MAPK10: variants seen among roughly 807,000 people sequenced by gnomAD.
The protein encoded by MAPK10 is mitogen-activated protein kinase 10.
In MAPK10, 25 loss-of-function variants were observed where a neutral mutation model predicts 59.3. The observed-to-expected ratio is 0.42, with a 90% CI of 0.31 to 0.59. MAPK10 has a LOEUF of 0.59. Ranked by LOEUF, MAPK10 falls within the 20% of genes least tolerant of loss-of-function variation. The pLI is 0.15. For synonymous variants in MAPK10, 190 were observed against 200.5 expected, an observed-to-expected ratio of 0.95 and a Z score of 0.44; for missense variants, 351 against 568.9, an observed-to-expected ratio of 0.62 and a Z score of 3.90.
At chr4:86,285,879 A>T (rs2094987008) in intron 2 of MAPK10, among the ~76,000 whole-genome samples, 1 of 152,194 alleles carries the variant, frequency 6.6e-6, no homozygotes, top group Non-Finnish European at 1.5e-5. Context: ...CAGGAGCTCC[A>T]ATGTCTGAGG....
At chr4:86,296,175 C>CAA (rs34854999) in intron 2 of MAPK10, among the ~76,000 whole-genome samples, 38,870 of 115,812 alleles carry the variant, frequency 0.34, 5,399 homozygotes, top group South Asian at 0.45. Context: ...GACTTGGTCT[C>CAA]AAAAAAAAAA....
intron 2 of MAPK10, among the ~76,000 whole-genome samples, chr4:86,352,665 T>A (rs1342906802): frequency 1.3e-5 from 2 of 152,324 alleles, no homozygotes; most frequent in African/African-American, 2.4e-5. Context: ...GTCTATTACA[T>A]CATGTTTGAT....
chr4:86,174,466 A>C (rs2075199074), intron 3 of MAPK10, among the ~76,000 whole-genome samples: 1 of 151,962 alleles, frequency 6.6e-6, no homozygotes. Flanking sequence ...GGGACCTGTC[A>C]GGGGGGTGGT....
chr4:86,531,369 A>G (rs1329499507), intron 1 of MAPK10, among the ~76,000 whole-genome samples: 1 of 152,180 alleles, frequency 6.6e-6, no homozygotes, highest in Non-Finnish European at 1.5e-5. Flanking sequence ...ATTAGTAAGG[A>G]AAAAGATGAT....
intron 2 of MAPK10, among the ~76,000 whole-genome samples, chr4:86,285,749 A>G (rs2094981983): frequency 6.6e-6 from 1 of 152,202 alleles, no homozygotes; most frequent in African/African-American, 2.4e-5. Flanking sequence ...TATGAAAGCC[A>G]AAAAGTCCCA....
chr4:86,116,310 TC>T (rs1475325489), intron 4 of MAPK10, among the ~76,000 whole-genome samples: 20 of 152,194 alleles, frequency 1.3e-4, no homozygotes, highest in African/African-American at 4.6e-4. Context: ...AGCATTCTGA[TC>T]AGAGTCTCCT....
intron 11 of MAPK10, among the ~76,000 whole-genome samples, chr4:86,038,865 T>A (rs963587162): frequency 6.6e-6 from 1 of 152,166 alleles, no homozygotes; most frequent in African/African-American, 2.4e-5. Context: ...TGATTAGATA[T>A]AATTAATTCC....
At chr4:86,294,943 T>C (rs2095319276) in intron 2 of MAPK10, among the ~76,000 whole-genome samples, 1 of 152,124 alleles carries the variant, frequency 6.6e-6, no homozygotes, top group African/African-American at 2.4e-5. Flanking sequence ...CCAGGCTAGA[T>C]AGAGTTTGTC....
At chr4:86,258,828 A>G (rs1445273289) in intron 2 of MAPK10, among the ~76,000 whole-genome samples, 1 of 152,182 alleles carries the variant, frequency 6.6e-6, no homozygotes, top group Non-Finnish European at 1.5e-5. Context: ...TTACCTAACC[A>G]GACTGTTACT....
intron 1 of MAPK10, among the ~76,000 whole-genome samples, chr4:86,372,991 C>T (rs531521204): frequency 5.9e-5 from 9 of 152,276 alleles, no homozygotes; most frequent in South Asian, 4.1e-4. Flanking sequence ...AGGCATCATG[C>T]TACCTGACTT....
rs990677472 is a variant in MAPK10, at chr4:86,141,028, C to G, written c.236+18270G>C. Among the ~76,000 whole-genome samples the G allele has an allele frequency of 5.3e-5, 8 of 152,268 alleles. No homozygotes were observed. The South Asian group carries it at 1.0e-3, about 20-fold the overall frequency. On this transcript the variant is annotated intron_variant, in intron 4 of 13. Transcript: ENST00000641462. ...GCTAGAAAGACCATTAATCATTGAA[C>G]CAATACCCAATACCCTCATTTTATT...
intron 2 of MAPK10, among the ~76,000 whole-genome samples, chr4:86,315,806 A>C (rs1391640873): frequency 1.3e-5 from 2 of 152,188 alleles, no homozygotes; most frequent in African/African-American, 2.4e-5. Flanking sequence ...AGCAAGAAAA[A>C]TTAGGTATAC....
intron 2 of MAPK10, among the ~76,000 whole-genome samples, chr4:86,210,345 A>G (rs2085426135): frequency 6.9e-6 from 1 of 145,912 alleles, no homozygotes; most frequent in South Asian, 2.5e-4. Flanking sequence ...AACCCAAAGA[A>G]TGGGAGAAAA....
At chr4:86,310,435 A>G (rs1395217986) in intron 2 of MAPK10, among the ~76,000 whole-genome samples, 1 of 152,218 alleles carries the variant, frequency 6.6e-6, no homozygotes, top group Non-Finnish European at 1.5e-5. Context: ...ATTTGAAAAT[A>G]CAGAGAATAT....
intron 2 of MAPK10, among the ~76,000 whole-genome samples, chr4:86,200,530 A>G (rs911283124): frequency 1.3e-5 from 2 of 151,934 alleles, no homozygotes; most frequent in Non-Finnish European, 2.9e-5. Context: ...AATGTACCAT[A>G]GCTTGTTAAT....
At chr4:86,539,311 C>A (rs571332275) in intron 1 of MAPK10, among the ~76,000 whole-genome samples, 22 of 152,136 alleles carry the variant, frequency 1.4e-4, no homozygotes, top group Non-Finnish European at 1.8e-4. Context: ...CTGGAACATA[C>A]TAGCACAGCT....
intron 4 of MAPK10, among the ~76,000 whole-genome samples, chr4:86,150,590 G>A (rs992298030): frequency 2.6e-5 from 4 of 152,116 alleles, no homozygotes; most frequent in South Asian, 2.1e-4. Flanking sequence ...GGCCAGGCGC[G>A]GTGGCTCACG....
chr4:86,513,483 T>A (rs1224451124), intron 1 of MAPK10, among the ~76,000 whole-genome samples: 1 of 152,222 alleles, frequency 6.6e-6, no homozygotes, highest in Non-Finnish European at 1.5e-5. Flanking sequence ...TATTGGCTAA[T>A]AAGGAGATGT....
intron 2 of MAPK10, among the ~76,000 whole-genome samples, chr4:86,278,145 T>C (rs1438334380): frequency 1.3e-5 from 2 of 152,152 alleles, no homozygotes; most frequent in Admixed American, 1.3e-4. Flanking sequence ...ACGTACAATC[T>C]TAAATATCCA....
Sources: gnomAD v4.1 joint callset for allele counts (sites outside exome capture counted in the v4.1 genomes callset) on GRCh38, gnomAD v4.1.1 for gene constraint, MANE v1.5 for transcripts, NCBI Gene and HGNC (gene_info 2026-07-23, HGNC 2026-07-21) for gene names.